Variants in BCL2L10 observed in about 807,000 individuals in gnomAD.
BCL2L10 encodes the protein bcl-2-like protein 10.
BCL2L10 carries 14 observed loss-of-function variants against 11.1 expected under a neutral mutation model. The observed-to-expected ratio is 1.26, with a 90% CI of 0.83 to 1.96. The LOEUF is 1.96. Among genes scored for constraint, BCL2L10 ranks in the 30% most tolerant of loss-of-function variants. The pLI is 0.00. For synonymous variants in BCL2L10, 154 were observed against 133.4 expected (o/e 1.15, Z -1.07); for missense variants, 309 against 273.9 (o/e 1.13, Z -0.90).
chr15:52,111,888 TG>T (rs2033061779), intron 1 of BCL2L10, among the ~76,000 whole-genome samples: 1 of 152,208 alleles, frequency 6.6e-6, no homozygotes. Flanking sequence ...CTTCATTGGT[TG>T]GGGATTTCTA....
At chr15:52,111,441 T>C (rs191909017) in intron 1 of BCL2L10, among the ~76,000 whole-genome samples, 42 of 152,138 alleles carry the variant, frequency 2.8e-4, no homozygotes, top group African/African-American at 1.0e-3. Context: ...CTTGCTGGTT[T>C]TAATAGTTTG....
In BCL2L10 at chr15:52,109,983, G is replaced by T; in HGVS notation, c.490-10C>A. The stretch of plus-strand genomic sequence containing the variant: ...AGTGACAAAAGCCATCCTACAGGGG[G>T]GAGAGAGAAAAGTTAGATTGCCTCA... On this transcript the variant is annotated splice_polypyrimidine_tract_variant and intron_variant, in intron 1 of 1. Transcript: ENST00000260442. 6.3e-7 allele frequency: 1 copy of T among 1,590,424 alleles called. No homozygotes were observed. Among genetic ancestry groups the T allele is most frequent in the Non-Finnish European group, 8.6e-7 (1 of 1,169,140 alleles).
rs765082287 is a variant in BCL2L10, at chr15:52,112,230, G to A, written c.489+8C>T. Reference sequence around the variant, plus strand: ...CGCCCCGTGTCCCGGTGTCCGCCGCGTGCTCACCCAGCCGCCCTGAGCCTG... The same window carrying A: ...CGCCCCGTGTCCCGGTGTCCGCCGCATGCTCACCCAGCCGCCCTGAGCCTG... On this transcript the variant is annotated splice_region_variant and intron_variant, in intron 1 of 1. Coordinates refer to ENST00000260442, the MANE Select transcript of BCL2L10 (RefSeq NM_020396.4). 18 of 1,488,436 alleles carry A rather than the reference G, an allele frequency of 1.2e-5. No individual in the cohort carries two copies. The highest frequency in any genetic ancestry group is 7.9e-5 in the East Asian group (3 of 38,102). The allele number at this position is 1,488,436 out of a possible 1,614,324, so 92.2% of individuals were successfully genotyped here.
Position 52,112,366 on chromosome 15 carries a change from A to C in BCL2L10, c.361T>G (p.Trp121Gly). 2 of 1,602,118 alleles carry C rather than the reference A, an allele frequency of 1.2e-6. No homozygotes were observed. Among genetic ancestry groups the C allele is most frequent in the Non-Finnish European group, 8.5e-7 (1 of 1,178,080 alleles). ...GPLVTARWKKWGFQPRLKEQE... is the reference protein window; with the variant it reads ...GPLVTARWKKGGFQPRLKEQE... ...TCCTTTAGCCGCGGCTGGAAGCCCCACTTCTTCCACCGGGCGGTCACCAGC... is the reference window on the plus strand; with the variant it reads ...TCCTTTAGCCGCGGCTGGAAGCCCCCCTTCTTCCACCGGGCGGTCACCAGC... The change falls in exon 1 of 2, where the codon TGG becomes GGG. Residue 121 changes from tryptophan to glycine, a missense_variant. Transcript: ENST00000260442.
chr15:52,112,616 G>C lies in BCL2L10; in HGVS notation c.111C>G (p.Pro37=). 2 of 1,570,462 alleles carry C rather than the reference G, an allele frequency of 1.3e-6. No homozygotes were observed. Among genetic ancestry groups the C allele is most frequent in the South Asian group, 1.1e-5 (1 of 87,088 alleles). ...LGYCAREPGT[P]EPAPSTPEAA... ...CCTCGGGCGTGGATGGCGCCGGCTC[G>C]GGGGTGCCGGGTTCCCGGGCGCAGT... The change falls in exon 1 of 2, where the codon CCC becomes CCG. Residue 37 remains proline (P), a synonymous_variant. Coordinates refer to ENST00000260442, the MANE Select transcript of BCL2L10 (RefSeq NM_020396.4).
chr15:52,110,080 A>G (rs2033031378), intron 1 of BCL2L10, 107 bp from the exon 2 acceptor site: 2 of 1,175,966 alleles, frequency 1.7e-6, no homozygotes, highest in Admixed American at 4.8e-5. Flanking sequence ...TTGGATTTAA[A>G]AAGTAAAAGG....
In BCL2L10 at chr15:52,112,327, C is replaced by T; in HGVS notation, c.400G>A (p.Val134Ile). The T allele has an allele frequency of 6.3e-7, 1 of 1,586,798 alleles. No individual in the cohort carries two copies. Among genetic ancestry groups the T allele is most frequent in the South Asian group, 1.1e-5 (1 of 88,260 alleles). The change falls in exon 1 of 2, where the codon GTC (valine) becomes ATC (isoleucine). Residue 134 changes from valine (V) to isoleucine (I), a missense_variant. Physicochemically the swap from Val to Ile is conservative, Grantham distance 29. Coordinates refer to ENST00000260442, the MANE Select transcript of BCL2L10 (RefSeq NM_020396.4). ...QPRLKEQEGD[V>I]ARDCQRLVAL... is the part of the protein sequence containing the mutation. ...ACCAGGCGCTGGCAGTCCCGGGCGA[C>T]GTCGCCCTCCTGCTCCTTTAGCCGC...
At chr15:52,111,666 G>T (rs1440338151) in intron 1 of BCL2L10, among the ~76,000 whole-genome samples, 1 of 152,050 alleles carries the variant, frequency 6.6e-6, no homozygotes, top group Non-Finnish European at 1.5e-5. Flanking sequence ...CAGGGGCCTA[G>T]AACGTTCTCA....
intron 1 of BCL2L10, among the ~76,000 whole-genome samples, chr15:52,110,176 A>G (rs2141168718): frequency 6.6e-6 from 1 of 152,366 alleles, no homozygotes; most frequent in East Asian, 1.9e-4. Context: ...GAACAGAAGC[A>G]AGCATTTAAC....
chr15:52,112,615 C>A lies in BCL2L10; in HGVS notation c.112G>T (p.Glu38Ter). Residue 38 changes from glutamate (E) to a stop codon, truncating the protein, a stop_gained, in exon 1 of 2, where the codon GAG (glutamate) becomes TAG (stop). Coordinates refer to ENST00000260442, the MANE Select transcript of BCL2L10 (RefSeq NM_020396.4). LOFTEE classifies it high-confidence loss of function. ...GYCAREPGTP[E>*]PAPSTPEAAV... ...GCCTCGGGCGTGGATGGCGCCGGCT[C>A]GGGGGTGCCGGGTTCCCGGGCGCAG... 6.4e-7 allele frequency: 1 copy of A among 1,570,372 alleles called. No homozygotes were observed. Among genetic ancestry groups the A allele is most frequent in the Non-Finnish European group, 8.6e-7 (1 of 1,166,638 alleles).
Position 52,109,700 on chromosome 15 carries a change from C to A in BCL2L10, c.*148G>T, listed in dbSNP as rs1199908210. On this transcript the variant is annotated 3_prime_UTR_variant, in exon 2 of 2. Transcript: ENST00000260442. ...ACTTGTCACAAGTTAAAACACTGGCCAAATCACCACCTCAGGACTCCTTGT... is the reference window on the plus strand; with the variant it reads ...ACTTGTCACAAGTTAAAACACTGGCAAAATCACCACCTCAGGACTCCTTGT... 6.3e-6 allele frequency: 7 copies of A among 1,110,314 alleles called. No homozygotes were observed. Among genetic ancestry groups the A allele is most frequent in the Non-Finnish European group, 8.9e-6 (7 of 789,868 alleles). 68.8% of individuals were successfully genotyped at this position (1,110,314 alleles called of 1,614,324 possible).
intron 1 of BCL2L10, among the ~76,000 whole-genome samples, chr15:52,110,360 T>C (rs904069042): frequency 1.3e-4 from 20 of 152,204 alleles, no homozygotes; most frequent in Admixed American, 8.5e-4. Context: ...AGGAAGGGAA[T>C]TGAACTCCAG....
chr15:52,109,803 T>G lies in BCL2L10; in HGVS notation c.*45A>C. ...TTGTTCTCACACATCTGTCATTTAG[T>G]TGGTCACAGTTGGGCAGGTAGAAGC... On this transcript the variant is annotated 3_prime_UTR_variant, in exon 2 of 2. Coordinates refer to ENST00000260442, the MANE Select transcript of BCL2L10 (RefSeq NM_020396.4). 1 of 1,605,040 alleles carries G rather than the reference T, an allele frequency of 6.2e-7. No homozygotes were observed. Among genetic ancestry groups the G allele is most frequent in the Non-Finnish European group, 8.5e-7 (1 of 1,174,816 alleles).
intron 1 of BCL2L10, 193 bp downstream of exon 1, chr15:52,112,045 C>T (rs954819493): frequency 6.9e-6 from 8 of 1,159,008 alleles, no homozygotes; most frequent in Middle Eastern, 3.0e-4. Flanking sequence ...CGATTTCTGC[C>T]GGCCTTTCTG....
chr15:52,109,874 T>C lies in BCL2L10; in HGVS notation c.589A>G (p.Ile197Val). Residue 197 changes from isoleucine (I) to valine (V), a missense_variant, in exon 2 of 2, where the codon ATT becomes GTT. By Grantham distance (29) the Ile-to-Val change is conservative (BLOSUM62 3). Transcript: ENST00000260442. ...FLSCLLTTAF[I>V]YLWTRLL is the part of the protein sequence containing the mutation. Reference sequence around the variant, plus strand: ...CATAATAATCGTGTCCAGAGATAAATGAAGGCTGTTGTTAACAAGCATGAC... The same window carrying C: ...CATAATAATCGTGTCCAGAGATAAACGAAGGCTGTTGTTAACAAGCATGAC... The C allele has an allele frequency of 1.9e-6, 3 of 1,613,862 alleles. No homozygotes were observed. Among genetic ancestry groups the C allele is most frequent in the South Asian group, 1.1e-5 (1 of 91,066 alleles).
At chr15:52,112,081 C>T in intron 1 of BCL2L10, 157 bp downstream of exon 1, 2 of 1,338,586 alleles carry the variant, frequency 1.5e-6, no homozygotes, top group Non-Finnish European at 1.9e-6. Context: ...CCCCAGACTT[C>T]ACAGCGAACG....
Position 52,112,438 on chromosome 15 carries a change from C to G in BCL2L10, c.289G>C (p.Val97Leu). Residue 97 changes from valine to leucine, a missense_variant, in exon 1 of 2, where the codon GTG (valine) becomes CTG (leucine). Val to Leu is a conservative substitution (Grantham distance 32). Transcript: ENST00000260442. Reference protein sequence around the residue: ...SDSPGPTWGRVVTLVTFAGTL... With the variant: ...SDSPGPTWGRLVTLVTFAGTL... Reference sequence around the variant, plus strand: ...CCTGCGAAGGTCACGAGCGTCACCACTCTGCCCCAGGTGGGGCCGGGGCTG... The same window carrying G: ...CCTGCGAAGGTCACGAGCGTCACCAGTCTGCCCCAGGTGGGGCCGGGGCTG... The G allele has an allele frequency of 6.2e-7, 1 of 1,607,144 alleles. No homozygotes were observed. Among genetic ancestry groups the G allele is most frequent in the Non-Finnish European group, 8.5e-7 (1 of 1,179,564 alleles).
At position 52,112,382 on chromosome 15, in the gene BCL2L10, G is replaced by A. The variant is rs1337483070; in HGVS notation, c.345C>T (p.Thr115=). The A allele has an allele frequency of 1.2e-6, 2 of 1,605,774 alleles. No individual in the cohort carries two copies. The highest frequency in any genetic ancestry group is 4.5e-5 in the East Asian group (2 of 44,786). ...GGAAGCCCCACTTCTTCCACCGGGC[G>A]GTCACCAGCGGCCCTCTCTCCAGCA... The part of the protein sequence containing the change: ...GTLLERGPLV[T]ARWKKWGFQP... The change falls in exon 1 of 2, where the codon ACC becomes ACT. Residue 115 remains threonine (T), a synonymous_variant. Coordinates refer to ENST00000260442, the MANE Select transcript of BCL2L10 (RefSeq NM_020396.4).
chr15:52,112,308 C>A lies in BCL2L10; in HGVS notation c.419G>T (p.Arg140Leu), dbSNP rs1275639852. ...CCGCGAGCTCAGCAAGGCCACCAGGCGCTGGCAGTCCCGGGCGACGTCGCC... is the reference window on the plus strand; with the variant it reads ...CCGCGAGCTCAGCAAGGCCACCAGGAGCTGGCAGTCCCGGGCGACGTCGCC... ...QEGDVARDCQRLVALLSSRLM... is the reference protein window; with the variant it reads ...QEGDVARDCQLLVALLSSRLM... The change falls in exon 1 of 2, where the codon CGC (arginine) becomes CTC (leucine). Residue 140 changes from arginine to leucine, a missense_variant. Arg to Leu is a moderately radical substitution (Grantham distance 102, BLOSUM62 -2). Transcript: ENST00000260442. 1 of 1,573,226 alleles carries A rather than the reference C, an allele frequency of 6.4e-7. No homozygotes were observed. Among genetic ancestry groups the A allele is most frequent in the Admixed American group, 1.8e-5 (1 of 56,652 alleles).
Sources: gnomAD v4.1 joint callset for allele counts (sites outside exome capture counted in the v4.1 genomes callset) on GRCh38, gnomAD v4.1.1 for gene constraint, MANE v1.5 for transcripts, NCBI Gene and HGNC (gene_info 2026-07-23, HGNC 2026-07-21) for gene names.